Variants in TRPC4AP observed in about 807,000 individuals in gnomAD.
TRPC4AP encodes short transient receptor potential channel 4-associated protein.
In TRPC4AP, 45 loss-of-function variants were observed where a neutral mutation model predicts 99.0. The ratio of observed to expected loss-of-function variants is 0.45; its 90% CI spans 0.36 to 0.58. TRPC4AP has a LOEUF of 0.58. Among genes scored for constraint, TRPC4AP ranks in the 20% least tolerant of loss-of-function variants. TRPC4AP has a pLI of 0.00. For synonymous variants in TRPC4AP, 408 were observed against 385.8 expected (o/e 1.06, Z -0.67); for missense variants, 879 against 985.3 (o/e 0.89, Z 1.44).
chr20:35,022,317 A>G (rs970102555), intron 8 of TRPC4AP, among the ~76,000 whole-genome samples: 2 of 152,160 alleles, frequency 1.3e-5, no homozygotes, highest in East Asian at 3.9e-4. Context: ...CACCACGCCC[A>G]GCTAATTTTT....
chr20:35,015,819 G>A (rs1437043298), intron 10 of TRPC4AP, among the ~76,000 whole-genome samples, 189 bp downstream of exon 10: 4 of 152,130 alleles, frequency 2.6e-5, no homozygotes, highest in Admixed American at 6.5e-5. Context: ...TTTCTGCATA[G>A]GTTGGGGTGG....
intron 1 of TRPC4AP, among the ~76,000 whole-genome samples, chr20:35,082,072 A>T (rs1003458647): frequency 1.3e-5 from 2 of 152,180 alleles, no homozygotes; most frequent in Non-Finnish European, 2.9e-5. Context: ...CAAACTGGAT[A>T]ATGTTAATGA....
At position 35,054,992 on chromosome 20, in the gene TRPC4AP, T is replaced by A; in HGVS notation, c.512A>T (p.Tyr171Phe). Residue 171 changes from tyrosine (Y) to phenylalanine (F), a missense_variant, in exon 5 of 19, where the codon TAT (tyrosine) becomes TTT (phenylalanine). Tyr to Phe is a conservative substitution (Grantham distance 22). This residue lies in a region of TRPC4AP where 603 missense variants were observed against 631.8 expected (regional missense o/e 0.95). Coordinates refer to ENST00000252015, the MANE Select transcript of TRPC4AP (RefSeq NM_015638.3). ...EMSKDCLSILYNTCVCTEGVT... is the reference protein window; with the variant it reads ...EMSKDCLSILFNTCVCTEGVT... ...GGTACTTACACAGACACAGGTATTA[T>A]ACAGGATACTCAAGCAGTCCTTGGA... is the stretch of plus-strand genomic sequence containing the variant. 6.2e-7 allele frequency: 1 copy of A among 1,613,866 alleles called. No homozygotes were observed. The highest frequency in any genetic ancestry group is 8.5e-7 in the Non-Finnish European group (1 of 1,179,826).
intron 1 of TRPC4AP, among the ~76,000 whole-genome samples, chr20:35,080,750 T>G (rs1569151305): frequency 6.6e-6 from 1 of 151,580 alleles, no homozygotes. Flanking sequence ...TTGATCGTGA[T>G]GATAGATGCA....
chr20:35,069,335 A>G lies in TRPC4AP; in HGVS notation c.375T>C (p.Tyr125=), dbSNP rs1367841244. 2.5e-6 allele frequency: 4 copies of G among 1,611,820 alleles called. No homozygotes were observed. Among genetic ancestry groups the G allele is most frequent in the East Asian group, 2.2e-5 (1 of 44,840 alleles). The change falls in exon 3 of 19, where the codon TAT becomes TAC. Residue 125 remains tyrosine (Y), a synonymous_variant. Transcript: ENST00000252015. ...ACAAGTCAAAAATGTAAGTATTTGG[A>G]TAAGTGGTTTCTTGGGTAAGTTTCC... ...EERKLTQETT[Y]PNTYIFDLFG...
chr20:35,083,247 T>C (rs1292166422), intron 1 of TRPC4AP, among the ~76,000 whole-genome samples: 9 of 152,088 alleles, frequency 5.9e-5, no homozygotes, highest in African/African-American at 2.2e-4. Context: ...AATACCACTT[T>C]TAAAAACGCT....
intron 1 of TRPC4AP, among the ~76,000 whole-genome samples, chr20:35,091,752 T>C (rs1000697240): frequency 6.6e-6 from 1 of 152,200 alleles, no homozygotes; most frequent in African/African-American, 2.4e-5. Flanking sequence ...ATAAGTCAGA[T>C]GCTTAATATT....
intron 12 of TRPC4AP, among the ~76,000 whole-genome samples, chr20:35,009,318 G>A (rs1431720942): frequency 6.6e-6 from 1 of 152,086 alleles, no homozygotes; most frequent in Admixed American, 6.5e-5. Context: ...GGCAGGACTG[G>A]GTACAATTTT....
chr20:35,084,602 G>A (rs183378629), intron 1 of TRPC4AP, among the ~76,000 whole-genome samples: 4 of 127,546 alleles, frequency 3.1e-5, no homozygotes, highest in Admixed American at 2.5e-4. Flanking sequence ...GCATATATGT[G>A]TATATGTATA....
At chr20:35,049,581 T>C (rs1391608809) in intron 6 of TRPC4AP, among the ~76,000 whole-genome samples, 1 of 152,144 alleles carries the variant, frequency 6.6e-6, no homozygotes, top group South Asian at 2.1e-4. Flanking sequence ...GAGGGGCAAT[T>C]TGATTTCAGC....
At chr20:35,006,407 A>G in intron 15 of TRPC4AP, 28 bp downstream of exon 15, 2 of 1,611,568 alleles carry the variant, frequency 1.2e-6, no homozygotes, top group Non-Finnish European at 1.7e-6. Context: ...AACCCAGCAC[A>G]CTCCACAGAG....
At chr20:35,044,960 T>C (rs757800893) in intron 6 of TRPC4AP, among the ~76,000 whole-genome samples, 2 of 152,186 alleles carry the variant, frequency 1.3e-5, no homozygotes, top group African/African-American at 2.4e-5. Context: ...ATTTACCTTT[T>C]GAGCACCACT....
At chr20:35,055,328 A>G (rs2083799386) in intron 4 of TRPC4AP, among the ~76,000 whole-genome samples, 1 of 152,010 alleles carries the variant, frequency 6.6e-6, no homozygotes, top group Admixed American at 6.6e-5. Flanking sequence ...ATTTTCCCTT[A>G]ATGTCTTGCT....
intron 3 of TRPC4AP, 86 bp downstream of exon 3, chr20:35,069,210 A>G: frequency 1.3e-6 from 1 of 759,290 alleles, no homozygotes; most frequent in Admixed American, 2.4e-5. Context: ...AAATTCTGAA[A>G]TCTTTCCTAT....
rs149666874 is a variant in TRPC4AP, at chr20:35,059,760, A to C, written c.415-2189T>G. Among the ~76,000 whole-genome samples, 16 of 146,716 alleles carry C rather than the reference A, an allele frequency of 1.1e-4. No homozygotes were observed. In the East Asian group the frequency reaches 3.1e-3, roughly 29 times the overall value. ...ACTACGACGAAGAAGAAGAAGACGA[A>C]GAAGACGACGAAGACAAAGAAGATG... On this transcript the variant is annotated intron_variant, in intron 3 of 18. Transcript: ENST00000252015.
chr20:35,030,587 T>C (rs1245889340), intron 8 of TRPC4AP, among the ~76,000 whole-genome samples: 1 of 152,246 alleles, frequency 6.6e-6, no homozygotes, highest in Non-Finnish European at 1.5e-5. Context: ...AGAGCAAGTA[T>C]ACATTTATGG....
chr20:35,055,421 T>C (rs1042411659), intron 4 of TRPC4AP, among the ~76,000 whole-genome samples: 1 of 152,240 alleles, frequency 6.6e-6, no homozygotes, highest in East Asian at 1.9e-4. Context: ...ACTTAATATA[T>C]ATGTGTATCC....
At chr20:35,007,512 G>A (rs1267107130) in intron 14 of TRPC4AP, 38 bp downstream of exon 14, 7 of 1,603,298 alleles carry the variant, frequency 4.4e-6, no homozygotes, top group African/African-American at 2.7e-5. Context: ...GGGCTGGGGG[G>A]AGACGGAACC....
chr20:35,054,500 C>G (rs1178587322), intron 5 of TRPC4AP, among the ~76,000 whole-genome samples: 2 of 152,122 alleles, frequency 1.3e-5, no homozygotes, highest in Non-Finnish European at 2.9e-5. Flanking sequence ...ACACTAAGTG[C>G]CATCCTCTTT....
Sources: gnomAD v4.1 joint callset for allele counts (sites outside exome capture counted in the v4.1 genomes callset) on GRCh38, gnomAD v4.1.1 for gene constraint, gnomAD v4.1.1 regional missense constraint, MANE v1.5 for transcripts, NCBI Gene and HGNC (gene_info 2026-07-23, HGNC 2026-07-21) for gene names.